MYO18A: variants seen among roughly 807,000 people sequenced by gnomAD.
MYO18A encodes the protein unconventional myosin-XVIIIa.
Under a neutral mutation model 235.8 loss-of-function variants are expected in MYO18A, and 78 were observed. The observed-to-expected ratio is 0.33, with a 90% CI of 0.28 to 0.40. MYO18A has a LOEUF of 0.40. Among genes scored for constraint, MYO18A ranks in the 10% least tolerant of loss-of-function variants. MYO18A has a pLI of 1.00. For synonymous variants in MYO18A, 977 were observed against 1,077.8 expected, an observed-to-expected ratio of 0.91 and a Z score of 1.83; for missense variants, 2,215 against 2,699.3, an observed-to-expected ratio of 0.82 and a Z score of 3.98.
In MYO18A at chr17:29,121,455, A is replaced by G; in HGVS notation, c.1371+92T>C. On this transcript the variant is annotated intron_variant, in intron 5 of 41. Transcript: ENST00000527372. The surrounding 1 kb of genome is among the most constrained non-coding windows in gnomAD (Gnocchi z 4.2). Reference sequence around the variant, plus strand: ...CCCAAGGTCAACTGTGAGAGTGGACAGGAGCCCAGTGGGGTGCCACAGGGG... The same window carrying G: ...CCCAAGGTCAACTGTGAGAGTGGACGGGAGCCCAGTGGGGTGCCACAGGGG... 1 of 1,341,934 alleles carries G rather than the reference A, an allele frequency of 7.5e-7. No individual in the cohort carries two copies. 83.1% of individuals were successfully genotyped at this position (1,341,934 alleles called of 1,614,324 possible). A position where few individuals can be genotyped will look rare whatever the true frequency, so the allele number is the denominator to read the frequency against.
chr17:29,133,283 T>C (rs1435467987), intron 2 of MYO18A, among the ~76,000 whole-genome samples: 1 of 152,222 alleles, frequency 6.6e-6, no homozygotes, highest in Non-Finnish European at 1.5e-5. Flanking sequence ...TGTAGGTCAC[T>C]GCCCAGCTGG....
chr17:29,135,947 AC>A (rs2067586693), intron 2 of MYO18A, among the ~76,000 whole-genome samples: 1 of 152,330 alleles, frequency 6.6e-6, no homozygotes, highest in South Asian at 2.1e-4. Context: ...CATCTCATGG[AC>A]CGGGCGTGGT....
chr17:29,120,580 T>TG lies in MYO18A; in HGVS notation c.1728+35dup. On this transcript the variant is annotated intron_variant, in intron 7 of 41. Coordinates refer to ENST00000527372, the MANE Select transcript of MYO18A (RefSeq NM_078471.4). This position sits in a 1 kb window ranked among gnomAD's most constrained non-coding sequence, Gnocchi z 4.2. Reference sequence around the variant, plus strand: ...CTAGGTCATGAAATCATGTGGCCTGTGTCCTACTACCCCGAGTCCTGGGCA... The same window carrying TG: ...CTAGGTCATGAAATCATGTGGCCTGTGGTCCTACTACCCCGAGTCCTGGGCA... 6.3e-7 allele frequency: 1 copy of TG among 1,598,664 alleles called. No homozygotes were observed. The highest frequency in any genetic ancestry group is 1.7e-4 in the Middle Eastern group (1 of 5,978).
rs754141197 is a variant in MYO18A at position 29,094,969 on chromosome 17, G to A, written c.4476C>T (p.Leu1492=). The part of the protein sequence containing the change: ...EKLQREKDML[L]AEAFSLKQQL... ...GCTGCTTCAGGCTGAAAGCCTCAGC[G>A]AGGAGCATGTCCTTCTCCCGCTGCA... Residue 1492 remains leucine (L), a synonymous_variant, in exon 29 of 42, where the codon CTC becomes CTT. Transcript: ENST00000527372. The A allele has an allele frequency of 5.6e-6, 9 of 1,608,304 alleles. No homozygotes were observed. Among genetic ancestry groups the A allele is most frequent in the East Asian group, 4.5e-5 (2 of 44,748 alleles).
chr17:29,144,033 C>T (rs1254230604), intron 2 of MYO18A, among the ~76,000 whole-genome samples: 2 of 152,250 alleles, frequency 1.3e-5, no homozygotes, highest in South Asian at 2.1e-4. Context: ...CCTCATTAGG[C>T]CATCAGCTGT....
Position 29,117,991 on chromosome 17 carries a change from C to A in MYO18A, c.2038+54G>T. 1 of 1,545,700 alleles carries A rather than the reference C, an allele frequency of 6.5e-7. No individual in the cohort carries two copies. Among genetic ancestry groups the A allele is most frequent in the Middle Eastern group, 2.1e-4 (1 of 4,806 alleles). On this transcript the variant is annotated intron_variant, in intron 10 of 41. Transcript: ENST00000527372. This position sits in a 1 kb window ranked among gnomAD's most constrained non-coding sequence, Gnocchi z 4.6. ...GAATAAACTGGGAGTGGGCAGGGTCCCTGTGAGGTCACCCAGGGGACAGGC... is the reference window on the plus strand; with the variant it reads ...GAATAAACTGGGAGTGGGCAGGGTCACTGTGAGGTCACCCAGGGGACAGGC...
chr17:29,170,775 G>C (rs542517531), intron 1 of MYO18A, among the ~76,000 whole-genome samples: 44 of 152,316 alleles, frequency 2.9e-4, no homozygotes, highest in African/African-American at 1.1e-3. Context: ...ATCACTTTAA[G>C]AGAGTAAGCA....
chr17:29,076,433 G>A (rs2065982186), intron 41 of MYO18A: 1 of 151,984 alleles, frequency 6.6e-6, no homozygotes, highest in Non-Finnish European at 1.5e-5. Context: ...CTCTATCCCT[G>A]GGGGAAAGGA....
At chr17:29,131,283 G>A (rs562114530) in intron 2 of MYO18A, 767 of 672,056 alleles carry the variant, frequency 1.1e-3, no homozygotes, top group Non-Finnish European at 1.4e-3. Context: ...GCTAGTGGGT[G>A]CAGGGGCAAA....
At chr17:29,167,136 G>T in intron 1 of MYO18A, 115 bp from the exon 2 acceptor site, 1 of 685,478 alleles carries the variant, frequency 1.5e-6, no homozygotes, top group Non-Finnish European at 2.3e-6. Flanking sequence ...CTATGTGCCA[G>T]GCACTCTGCC....
rs113617904 is a variant in MYO18A, at chr17:29,093,371, C to T, written c.4878G>A (p.Leu1626=). ...TGCCCTCCAGCTCCCGCTTCTCTCGCAGAACCTTCTGCTTGTCCTCATACT... is the reference window on the plus strand; with the variant it reads ...TGCCCTCCAGCTCCCGCTTCTCTCGTAGAACCTTCTGCTTGTCCTCATACT... ...EEEYEDKQKV[L]REKRELEGKL... Residue 1626 remains leucine, a synonymous_variant, in exon 32 of 42, where the codon CTG becomes CTA. Coordinates refer to ENST00000527372, the MANE Select transcript of MYO18A (RefSeq NM_078471.4). 1.9e-6 allele frequency: 3 copies of T among 1,612,848 alleles called. No homozygotes were observed. Among genetic ancestry groups the T allele is most frequent in the Non-Finnish European group, 2.5e-6 (3 of 1,179,838 alleles).
At chr17:29,134,642 C>T (rs969766732) in intron 2 of MYO18A, among the ~76,000 whole-genome samples, 6 of 152,184 alleles carry the variant, frequency 3.9e-5, no homozygotes, top group Admixed American at 3.9e-4. Context: ...CCTGCCTCAG[C>T]CTCCCAGGTA....
chr17:29,082,631 GC>G (rs2066149555), intron 40 of MYO18A, among the ~76,000 whole-genome samples, 193 bp from the exon 41 acceptor site: 2 of 152,234 alleles, frequency 1.3e-5, no homozygotes, highest in Admixed American at 6.5e-5. Flanking sequence ...CCACTCAGCA[GC>G]CACACTGTGT....
At position 29,079,684 on chromosome 17, in the gene MYO18A, G is replaced by C. The variant is rs1004302566; in HGVS notation, c.6020+2632C>G. 3 of 982,074 alleles carry C rather than the reference G, an allele frequency of 3.1e-6. No individual in the cohort carries two copies. The South Asian group carries it at 1.4e-4, about 46-fold the overall frequency. The allele number at this position is 982,074 out of a possible 1,614,324, so 60.8% of individuals were successfully genotyped here. ...GGCAGGGAGGACGTTAGTTCACACC[G>C]GGTGGGACACACCATGCTGAACCCA... On this transcript the variant is annotated intron_variant, in intron 41 of 41. Coordinates refer to ENST00000527372, the MANE Select transcript of MYO18A (RefSeq NM_078471.4).
chr17:29,165,235 T>C (rs2068254190), intron 2 of MYO18A, among the ~76,000 whole-genome samples: 1 of 152,194 alleles, frequency 6.6e-6, no homozygotes, highest in African/African-American at 2.4e-5. Flanking sequence ...GGCCCTAATT[T>C]GAAATCATTT....
intron 19 of MYO18A, chr17:29,107,454 C>G: frequency 2.2e-6 from 1 of 445,724 alleles, no homozygotes; most frequent in South Asian, 2.4e-5. Context: ...GAGAAGTAAG[C>G]TCCTAGTAGT....
chr17:29,080,317 C>T, intron 41 of MYO18A: 4 of 986,144 alleles, frequency 4.1e-6, no homozygotes, highest in Non-Finnish European at 4.8e-6. Context: ...GGAGCGGACG[C>T]TGGAGCTGGG....
At chr17:29,122,402 T>C in intron 2 of MYO18A, 149 bp from the exon 3 acceptor site, 3 of 730,300 alleles carry the variant, frequency 4.1e-6, no homozygotes, top group Non-Finnish European at 7.0e-6. Context: ...CACAGGGACA[T>C]CAGAGGTGTC....
chr17:29,098,739 C>T (rs2066583383), intron 23 of MYO18A, 87 bp downstream of exon 23: 3 of 1,528,032 alleles, frequency 2.0e-6, no homozygotes, highest in Admixed American at 1.9e-5. Flanking sequence ...GCTCTCTGGA[C>T]TAAACGAAGA....
Sources: allele counts gnomAD v4.1 joint callset (sites outside exome capture counted in the v4.1 genomes callset), GRCh38; gene constraint gnomAD v4.1.1; non-coding constraint Gnocchi (gnomAD v3.1); transcripts MANE v1.5; gene names NCBI Gene and HGNC (gene_info 2026-07-23, HGNC 2026-07-21).